Variants in QKI observed in about 807,000 individuals in gnomAD.
The protein encoded by QKI is QKI, KH domain containing RNA binding, also known as KH domain-containing RNA-binding protein QKI.
Under a neutral mutation model 39.0 loss-of-function variants are expected in QKI, and 10 were observed. The observed-to-expected ratio is 0.26, with a 90% CI of 0.16 to 0.43. The LOEUF (loss-of-function observed/expected upper bound fraction) is 0.43. Ranked by LOEUF, QKI falls within the 20% of genes least tolerant of loss-of-function variation. QKI has a pLI of 1.00. For missense variants in QKI, 218 were observed against 428.0 expected (o/e 0.51, Z 4.33); for synonymous variants, 204 against 155.4 (o/e 1.31, Z -2.33).
chr6:163,555,589 C>CAATAGGAG (rs1330004668), intron 4 of QKI, among the ~76,000 whole-genome samples: 2 of 147,180 alleles, frequency 1.4e-5, no homozygotes, highest in African/African-American at 2.5e-5. Context: ...AGGATGCTTC[C>CAATAGGAG]AATAGGAGCC....
In QKI at chr6:163,414,847, GCTC is replaced by G. The variant is rs891949548; in HGVS notation, c.-340_-338del. ...ACCAGCCGAGCGAGCGGCGGCCCCG[GCTC>G]CTCCTCGTCCGGCGCCAGCAGCCCG... On this transcript the variant is annotated 5_prime_UTR_variant, in exon 1 of 8. Transcript: ENST00000361752. 6.9e-6 allele frequency: 1 copy of G among 145,176 alleles called. No individual in the cohort carries two copies. Among genetic ancestry groups the G allele is most frequent in the African/African-American group, 2.5e-5 (1 of 40,332 alleles). 9.0% of individuals were successfully genotyped at this position (145,176 alleles called of 1,614,324 possible). A position where few individuals can be genotyped will look rare whatever the true frequency, so the allele number is the denominator to read the frequency against.
rs117843205 is a variant in QKI at position 163,468,951 on chromosome 6, G to A, written c.286-9829G>A. On this transcript the variant is annotated intron_variant, in intron 2 of 7. Transcript: ENST00000361752. ...TTCTCTACTTACAACATTTTGAGAAGGATGACCTCGACAATTTCAGCTGTA... is the reference window on the plus strand; with the variant it reads ...TTCTCTACTTACAACATTTTGAGAAAGATGACCTCGACAATTTCAGCTGTA... Among the ~76,000 whole-genome samples, 56 of 151,920 alleles carry A rather than the reference G, an allele frequency of 3.7e-4. 2 individuals carry two copies. In the East Asian group the frequency reaches 0.011, roughly 29 times the overall value.
intron 3 of QKI, among the ~76,000 whole-genome samples, chr6:163,519,144 C>T (rs1780001684): frequency 6.6e-6 from 1 of 152,058 alleles, no homozygotes; most frequent in African/African-American, 2.4e-5. Context: ...ATGATATATC[C>T]TCTCCCTTTC....
chr6:163,501,353 T>G (rs530938720), intron 3 of QKI, among the ~76,000 whole-genome samples: 1 of 152,020 alleles, frequency 6.6e-6, no homozygotes, highest in Non-Finnish European at 1.5e-5. Context: ...AATGAGCTGC[T>G]TGTACATACA....
chr6:163,457,575 G>A (rs1583022992), intron 2 of QKI: 1 of 402,590 alleles, frequency 2.5e-6, no homozygotes, highest in East Asian at 7.1e-5. Flanking sequence ...CTAGCAATTT[G>A]CCTGTTAAGC....
chr6:163,562,185 G>A lies in QKI; in HGVS notation c.634+116G>A, dbSNP rs1447769209. The stretch of plus-strand genomic sequence containing the variant: ...TACAAAGTGAACAGTTGAAATAACT[G>A]TTCTGTCACTTGATATGGGGCTGAC... On this transcript the variant is annotated intron_variant, in intron 5 of 7. Transcript: ENST00000361752. 6 of 573,834 alleles carry A rather than the reference G, an allele frequency of 1.0e-5. No individual in the cohort carries two copies. The East Asian group carries it at 1.9e-4, about 19-fold the overall frequency. The allele number at this position is 573,834 out of a possible 1,614,324, so 35.5% of individuals were successfully genotyped here.
chr6:163,529,169 C>T (rs1780693191), intron 3 of QKI, among the ~76,000 whole-genome samples: 1 of 151,974 alleles, frequency 6.6e-6, no homozygotes, highest in African/African-American at 2.4e-5. Context: ...TCATGTACAC[C>T]TGGTAACTAA....
intron 2 of QKI, among the ~76,000 whole-genome samples, chr6:163,467,177 G>T (rs1466892273): frequency 1.3e-5 from 2 of 152,208 alleles, no homozygotes; most frequent in Non-Finnish European, 2.9e-5. Context: ...ACACACGTGC[G>T]TGTACATGCG....
intron 2 of QKI, among the ~76,000 whole-genome samples, chr6:163,468,129 A>G (rs1791916442): frequency 6.6e-6 from 1 of 151,978 alleles, no homozygotes; most frequent in Non-Finnish European, 1.5e-5. Context: ...TAAGTGAAAG[A>G]CTTCAGAAAA....
Position 163,467,264 on chromosome 6 carries a change from T to C in QKI, c.286-11516T>C, listed in dbSNP as rs539559446. Among the ~76,000 whole-genome samples, 5 of 152,338 alleles carry C rather than the reference T, an allele frequency of 3.3e-5. No homozygotes were observed. In the South Asian group the frequency reaches 1.0e-3, roughly 32 times the overall value. On this transcript the variant is annotated intron_variant, in intron 2 of 7. Transcript: ENST00000361752. ...TAACCATTTCACAATGTATACCTTGTATTAAATCATCACAAGTTAAACCTT... is the reference window on the plus strand; with the variant it reads ...TAACCATTTCACAATGTATACCTTGCATTAAATCATCACAAGTTAAACCTT...
At chr6:163,525,563 C>T (rs989465446) in intron 3 of QKI, among the ~76,000 whole-genome samples, 6 of 151,978 alleles carry the variant, frequency 3.9e-5, no homozygotes, top group African/African-American at 1.2e-4. Context: ...TTTGCCGTGT[C>T]GGCCAGGCTG....
chr6:163,423,892 AAGTT>A (rs1562418016), intron 1 of QKI, among the ~76,000 whole-genome samples: 1 of 152,184 alleles, frequency 6.6e-6, no homozygotes, highest in Admixed American at 6.5e-5. Context: ...TAAGTGATTC[AAGTT>A]AGGAATGTAT....
chr6:163,563,843 A>C, intron 6 of QKI, 124 bp downstream of exon 6: 1 of 1,471,518 alleles, frequency 6.8e-7, no homozygotes, highest in East Asian at 2.4e-5. Context: ...GAAGACCGAA[A>C]ACTAAATTTT....
chr6:163,477,768 A>G (rs76679238), intron 2 of QKI, among the ~76,000 whole-genome samples: 6,157 of 152,288 alleles, frequency 0.04, 419 homozygotes, highest in African/African-American at 0.14. Context: ...AGGTGTGACA[A>G]TGCAAAATAA....
chr6:163,498,947 G>A (rs746336613), intron 3 of QKI, among the ~76,000 whole-genome samples: 5 of 152,052 alleles, frequency 3.3e-5, no homozygotes, highest in Admixed American at 6.6e-5. Context: ...GGATGAGACC[G>A]AATACTAAAC....
In QKI at chr6:163,573,488, TG is replaced by T. The variant is rs1783817281; in HGVS notation, c.*2779del. The T allele has an allele frequency of 6.6e-6, 1 of 152,232 alleles. No individual in the cohort carries two copies. Among genetic ancestry groups the T allele is most frequent in the Non-Finnish European group, 1.5e-5 (1 of 68,034 alleles). 9.4% of individuals were successfully genotyped at this position (152,232 alleles called of 1,614,324 possible). ...TACAGCCATTGTTACAAGTTTATAATGTATTTTTCTATCTTGTTTTATATGT... is the reference window on the plus strand; with the variant it reads ...TACAGCCATTGTTACAAGTTTATAATTATTTTTCTATCTTGTTTTATATGT... On this transcript the variant is annotated 3_prime_UTR_variant, in exon 8 of 8. Transcript: ENST00000361752.
At chr6:163,524,828 T>G (rs923027718) in intron 3 of QKI, among the ~76,000 whole-genome samples, 7 of 152,134 alleles carry the variant, frequency 4.6e-5, no homozygotes, top group Admixed American at 3.3e-4. Context: ...ATATTTACAT[T>G]ATGGTAATAT....
At chr6:163,532,870 A>G (rs1232992677) in intron 3 of QKI, among the ~76,000 whole-genome samples, 1 of 152,178 alleles carries the variant, frequency 6.6e-6, no homozygotes, top group Non-Finnish European at 1.5e-5. Flanking sequence ...GAGACTCTCA[A>G]GCCAGTGAGT....
chr6:163,496,637 G>A (rs1388506513), intron 3 of QKI, among the ~76,000 whole-genome samples: 1 of 152,064 alleles, frequency 6.6e-6, no homozygotes, highest in Non-Finnish European at 1.5e-5. Context: ...AAGGCCCTAC[G>A]TGGCCTTGTA....
Sources: gnomAD v4.1 joint callset for allele counts (sites outside exome capture counted in the v4.1 genomes callset) on GRCh38, gnomAD v4.1.1 for gene constraint, MANE v1.5 for transcripts, NCBI Gene and HGNC (gene_info 2026-07-23, HGNC 2026-07-21) for gene names.